VPS35: variants seen among roughly 807,000 people sequenced by gnomAD.
VPS35 encodes the protein vacuolar protein sorting-associated protein 35.
In VPS35, 21 loss-of-function variants were observed where a neutral mutation model predicts 98.1. The observed-to-expected ratio is 0.21, with a 90% CI of 0.15 to 0.31. VPS35 has a LOEUF of 0.31. Among genes scored for constraint, VPS35 ranks in the 10% least tolerant of loss-of-function variants. The pLI is 1.00. For missense variants in VPS35, 554 were observed against 950.8 expected, an observed-to-expected ratio of 0.58 and a Z score of 5.49; for synonymous variants, 268 against 318.2, an observed-to-expected ratio of 0.84 and a Z score of 1.68.
chr16:46,662,398 T>A lies in VPS35; in HGVS notation c.1912A>T (p.Met638Leu), dbSNP rs144997996. ...TGATTCTCTTCACTGAAGCACTTCA[T>A]CCTTTCAAAAGTGCCAATGATCAAG... ...ITLIIGTFER[M>L]KCFSEENHEP... The change falls in exon 15 of 17, where the codon ATG becomes TTG. Residue 638 changes from methionine to leucine, a missense_variant. Met to Leu is a conservative substitution (Grantham distance 15). Transcript: ENST00000299138. The A allele has an allele frequency of 2.5e-5, 40 of 1,614,064 alleles. No individual in the cohort carries two copies. The highest frequency in any genetic ancestry group is 2.7e-5 in the Non-Finnish European group (32 of 1,180,042).
chr16:46,671,653 A>G, intron 12 of VPS35, 52 bp downstream of exon 12: 1 of 1,610,700 alleles, frequency 6.2e-7, no homozygotes, highest in Admixed American at 1.7e-5. Flanking sequence ...GCACTTGAAC[A>G]TGTGATTTCA....
intron 10 of VPS35, chr16:46,673,667 A>G (rs1966099838): frequency 1.3e-5 from 2 of 153,428 alleles, no homozygotes; most frequent in Non-Finnish European, 2.9e-5. Context: ...AGGTATCAAA[A>G]TCAAAGCTCA....
intron 13 of VPS35, among the ~76,000 whole-genome samples, chr16:46,665,687 CTTTTA>C (rs1307825368): frequency 6.6e-6 from 1 of 151,668 alleles, no homozygotes; most frequent in African/African-American, 2.4e-5. Context: ...AGGCTAGTTA[CTTTTA>C]TTTATTTGCC....
In VPS35 at chr16:46,684,606, C is replaced by G. The variant is rs941617327; in HGVS notation, c.4-1000G>C. Among the ~76,000 whole-genome samples the G allele has an allele frequency of 3.9e-5, 6 of 152,192 alleles. 1 individual carries two copies. The highest frequency in any genetic ancestry group is 2.0e-4 in the Admixed American group (3 of 15,276). ...TCTCCATGCCAAAAAGAATTAACCACTTCTTCAAGTCATATAAACACTGTT... is the reference window on the plus strand; with the variant it reads ...TCTCCATGCCAAAAAGAATTAACCAGTTCTTCAAGTCATATAAACACTGTT... On this transcript the variant is annotated intron_variant, in intron 1 of 16. Coordinates refer to ENST00000299138, the MANE Select transcript of VPS35 (RefSeq NM_018206.6).
Position 46,674,480 on chromosome 16 carries a change from C to T in VPS35, c.1012-18G>A. 6.2e-7 allele frequency: 1 copy of T among 1,609,724 alleles called. No homozygotes were observed. The highest frequency in any genetic ancestry group is 2.2e-5 in the East Asian group (1 of 44,786). ...TGTCTAGACTGGAATGTTTAGAAAA[C>T]CACACAATTTATTTTAAACAATTGT... is the stretch of plus-strand genomic sequence containing the variant. On this transcript the variant is annotated intron_variant, in intron 9 of 16. Coordinates refer to ENST00000299138, the MANE Select transcript of VPS35 (RefSeq NM_018206.6).
intron 13 of VPS35, 60 bp from the exon 14 acceptor site, chr16:46,663,222 A>G: frequency 1.4e-6 from 2 of 1,466,632 alleles, no homozygotes; most frequent in Admixed American, 1.9e-5. Context: ...GTTCCAGGAT[A>G]TCCATTTTAA....
chr16:46,662,396 C>T lies in VPS35; in HGVS notation c.1914G>A (p.Met638Ile). The change falls in exon 15 of 17, where the codon ATG becomes ATA. Residue 638 changes from methionine (M) to isoleucine (I), a missense_variant. Met to Ile is a conservative substitution (Grantham distance 10, BLOSUM62 1). Around this residue, in one of 5 missense-constraint regions of VPS35, gnomAD observed 153 missense variants for 211.0 expected, o/e 0.73. Transcript: ENST00000299138. ...ITLIIGTFER[M>I]KCFSEENHEP... ...CGTGATTCTCTTCACTGAAGCACTTCATCCTTTCAAAAGTGCCAATGATCA... is the reference window on the plus strand; with the variant it reads ...CGTGATTCTCTTCACTGAAGCACTTTATCCTTTCAAAAGTGCCAATGATCA... The T allele has an allele frequency of 6.2e-7, 1 of 1,614,216 alleles. No homozygotes were observed. Among genetic ancestry groups the T allele is most frequent in the Non-Finnish European group, 8.5e-7 (1 of 1,180,032 alleles).
At chr16:46,688,684 AGCACAACTAG>A in intron 1 of VPS35, 1 of 1,070,954 alleles carries the variant, frequency 9.3e-7, no homozygotes, top group Non-Finnish European at 1.1e-6. Flanking sequence ...GGGACGGCCG[AGCACAACTAG>A]GCACAAAGGT....
chr16:46,689,159 G>A lies in VPS35; in HGVS notation c.-26C>T, dbSNP rs1219310178. Reference sequence around the variant, plus strand: ...GGCGACTCCCCAGAGCCTGCAGCAAGCAGCACCCGCCCCGCGCGTAGCCTC... The same window carrying A: ...GGCGACTCCCCAGAGCCTGCAGCAAACAGCACCCGCCCCGCGCGTAGCCTC... On this transcript the variant is annotated 5_prime_UTR_variant, in exon 1 of 17. Coordinates refer to ENST00000299138, the MANE Select transcript of VPS35 (RefSeq NM_018206.6). 2.5e-6 allele frequency: 4 copies of A among 1,605,854 alleles called. No individual in the cohort carries two copies. The highest frequency in any genetic ancestry group is 2.2e-5 in the East Asian group (1 of 44,482).
chr16:46,665,067 C>A (rs1166989222), intron 13 of VPS35, among the ~76,000 whole-genome samples: 1 of 152,208 alleles, frequency 6.6e-6, no homozygotes, highest in African/African-American at 2.4e-5. Flanking sequence ...TAACACCCTA[C>A]TTACACACCG....
intron 6 of VPS35, among the ~76,000 whole-genome samples, chr16:46,678,376 G>A (rs1966183067): frequency 6.6e-6 from 1 of 150,534 alleles, no homozygotes; most frequent in African/African-American, 2.4e-5. Context: ...CTTATGTTGG[G>A]CCATATTCAA....
chr16:46,673,558 C>T (rs1966098316), intron 10 of VPS35: 1 of 152,448 alleles, frequency 6.6e-6, no homozygotes, highest in Non-Finnish European at 1.5e-5. Context: ...GTAACAGGAT[C>T]ATAGCTGCCC....
At chr16:46,675,903 A>G (rs1316517473) in intron 8 of VPS35, among the ~76,000 whole-genome samples, 6 of 151,978 alleles carry the variant, frequency 3.9e-5, no homozygotes, top group African/African-American at 1.2e-4. Flanking sequence ...TGTCTCTACT[A>G]AAAATACAAA....
intron 13 of VPS35, among the ~76,000 whole-genome samples, chr16:46,663,506 C>T (rs914082314): frequency 6.6e-6 from 1 of 152,074 alleles, no homozygotes; most frequent in African/African-American, 2.4e-5. Context: ...CTCAGCCTCC[C>T]GAGTAGCTGG....
At chr16:46,676,379 T>C (rs1404198825) in intron 8 of VPS35, 4 of 552,320 alleles carry the variant, frequency 7.2e-6, no homozygotes, top group African/African-American at 5.7e-5. Flanking sequence ...TCACGTCTCC[T>C]GCACATTTAA....
intron 13 of VPS35, among the ~76,000 whole-genome samples, chr16:46,667,274 T>C (rs752743903): frequency 2.9e-4 from 44 of 152,210 alleles, no homozygotes; most frequent in Non-Finnish European, 2.8e-4. Context: ...TGGAAAAATG[T>C]CTATTCAGAT....
At chr16:46,662,951 G>C (rs770731019) in intron 14 of VPS35, 32 bp downstream of exon 14, 3 of 1,613,804 alleles carry the variant, frequency 1.9e-6, no homozygotes, top group Non-Finnish European at 2.5e-6. Flanking sequence ...CAGCAGAGCT[G>C]ACATGACAAC....
At chr16:46,666,188 G>A (rs558342814) in intron 13 of VPS35, among the ~76,000 whole-genome samples, 1 of 152,128 alleles carries the variant, frequency 6.6e-6, no homozygotes, top group South Asian at 2.1e-4. Flanking sequence ...ACAGGTGTGA[G>A]CCACCACACC....
intron 1 of VPS35, among the ~76,000 whole-genome samples, chr16:46,684,845 C>T (rs943191208): frequency 2.0e-5 from 3 of 152,130 alleles, no homozygotes; most frequent in East Asian, 3.8e-4. Context: ...CATACAATTA[C>T]AGAATATTAT....
Sources: gnomAD v4.1 joint callset for allele counts (sites outside exome capture counted in the v4.1 genomes callset) on GRCh38, gnomAD v4.1.1 for gene constraint, gnomAD v4.1.1 regional missense constraint, MANE v1.5 for transcripts, NCBI Gene and HGNC (gene_info 2026-07-23, HGNC 2026-07-21) for gene names.